CBFA2T2: variants seen among roughly 807,000 people sequenced by gnomAD.
CBFA2T2 encodes the protein CBFA2/RUNX1 partner transcriptional co-repressor 2.
In CBFA2T2, 11 loss-of-function variants were observed where a neutral mutation model predicts 62.2. The ratio of observed to expected loss-of-function variants is 0.18; its 90% CI spans 0.11 to 0.29. The LOEUF is 0.29. Ranked by LOEUF, CBFA2T2 falls within the 10% of genes least tolerant of loss-of-function variation. The probability of loss-of-function intolerance (pLI) is 1.00; values close to 1 mark genes in which losing one functional copy is unlikely to be tolerated. For synonymous variants in CBFA2T2, 295 were observed against 287.5 expected, an observed-to-expected ratio of 1.03 and a Z score of -0.27; for missense variants, 592 against 774.1, an observed-to-expected ratio of 0.76 and a Z score of 2.79.
chr20:33,542,982 T>C (rs1160754122), intron 1 of CBFA2T2, among the ~76,000 whole-genome samples: 1 of 151,368 alleles, frequency 6.6e-6, no homozygotes, highest in Non-Finnish European at 1.5e-5. Flanking sequence ...TACTAATACT[T>C]AATTTGTATT....
intron 1 of CBFA2T2, among the ~76,000 whole-genome samples, chr20:33,504,101 A>G (rs982645620): frequency 1.3e-5 from 2 of 151,944 alleles, no homozygotes; most frequent in African/African-American, 4.8e-5. Flanking sequence ...TTTCTTTTCT[A>G]TAATGTCATA....
chr20:33,640,582 C>A, intron 10 of CBFA2T2, 51 bp downstream of exon 10: 1 of 1,545,842 alleles, frequency 6.5e-7, no homozygotes, highest in Non-Finnish European at 8.9e-7. Context: ...AGTGACCACG[C>A]CCGCTGCCTT....
intron 1 of CBFA2T2, among the ~76,000 whole-genome samples, chr20:33,492,141 C>CT (rs2011151220): frequency 1.3e-5 from 2 of 152,038 alleles, no homozygotes; most frequent in Admixed American, 1.3e-4. Context: ...CTCAGCCTCT[C>CT]AAAGTGCTGG....
intron 1 of CBFA2T2, among the ~76,000 whole-genome samples, chr20:33,539,401 C>T (rs532591022): frequency 3.9e-5 from 6 of 152,324 alleles, no homozygotes; most frequent in African/African-American, 1.4e-4. Flanking sequence ...ATGCTGTTCT[C>T]CAATCTCTTT....
At chr20:33,543,553 C>T (rs987793865) in intron 1 of CBFA2T2, among the ~76,000 whole-genome samples, 1 of 152,086 alleles carries the variant, frequency 6.6e-6, no homozygotes, top group Non-Finnish European at 1.5e-5. Flanking sequence ...TGGAAAGCCT[C>T]CATGGAGAAG....
At chr20:33,574,944 G>A (rs905909660) in intron 1 of CBFA2T2, among the ~76,000 whole-genome samples, 3 of 152,186 alleles carry the variant, frequency 2.0e-5, no homozygotes, top group Admixed American at 6.5e-5. Flanking sequence ...CTGATAAAGC[G>A]TTTTTGTGCT....
At chr20:33,534,336 G>T (rs1382870747) in intron 1 of CBFA2T2, among the ~76,000 whole-genome samples, 1 of 151,988 alleles carries the variant, frequency 6.6e-6, no homozygotes, top group East Asian at 1.9e-4. Flanking sequence ...TTGTTTGTTT[G>T]TTTGAGACAG....
At chr20:33,536,776 C>A (rs534164021) in intron 1 of CBFA2T2, among the ~76,000 whole-genome samples, 1 of 150,938 alleles carries the variant, frequency 6.6e-6, no homozygotes, top group Non-Finnish European at 1.5e-5. Flanking sequence ...GATGGGCGGC[C>A]GGGCAGAGAC....
intron 1 of CBFA2T2, among the ~76,000 whole-genome samples, chr20:33,522,379 T>C (rs189777114): frequency 6.6e-6 from 1 of 152,246 alleles, no homozygotes; most frequent in African/African-American, 2.4e-5. Flanking sequence ...GCCAATTTAA[T>C]GTAGGGAGCA....
intron 1 of CBFA2T2, among the ~76,000 whole-genome samples, chr20:33,593,843 C>T (rs2014771911): frequency 1.3e-5 from 2 of 152,118 alleles, no homozygotes; most frequent in South Asian, 4.1e-4. Context: ...TTGTTTTGAC[C>T]TTTCCCCTTC....
intron 1 of CBFA2T2, among the ~76,000 whole-genome samples, chr20:33,557,564 TG>T (rs1233643180): frequency 6.6e-6 from 1 of 152,134 alleles, no homozygotes; most frequent in African/African-American, 2.4e-5. Flanking sequence ...TGAAGTGCAG[TG>T]GTGGGATCAT....
chr20:33,644,767 A>G lies in CBFA2T2; in HGVS notation c.*121A>G, dbSNP rs45448093. On this transcript the variant is annotated 3_prime_UTR_variant, in exon 11 of 11. Coordinates refer to ENST00000342704, the MANE Select transcript of CBFA2T2 (RefSeq NM_001032999.3). ...CATCAGCAAGAAATGAATTGGAGGC[A>G]GGAAGAGTCCAAGCCTGAATAATAA... 8.5e-3 allele frequency: 9,048 copies of G among 1,063,554 alleles called. 111 individuals carry two copies. The highest frequency in any genetic ancestry group is 0.033 in the South Asian group (2,099 of 64,260). 65.9% of individuals were successfully genotyped at this position (1,063,554 alleles called of 1,614,324 possible).
chr20:33,531,031 C>T (rs752092966), intron 1 of CBFA2T2, among the ~76,000 whole-genome samples: 8 of 152,018 alleles, frequency 5.3e-5, no homozygotes, highest in Non-Finnish European at 8.8e-5. Flanking sequence ...TGCAGTGAGC[C>T]GAGATCACGC....
At position 33,644,637 on chromosome 20, in the gene CBFA2T2, C is replaced by T. The variant is rs755335256; in HGVS notation, c.1779C>T (p.Asn593=). ...CTTCTGTGACAGCTATCGACACCAA[C>T]GGACTCTGAGCCCCGGACTCTGCTT... is the stretch of plus-strand genomic sequence containing the variant. ...TPASVTAIDT[N]GL is the part of the protein sequence containing the mutation. The change falls in exon 11 of 11, where the codon AAC becomes AAT. Residue 593 remains asparagine, a synonymous_variant. Transcript: ENST00000342704. 15 of 1,603,074 alleles carry T rather than the reference C, an allele frequency of 9.4e-6. No homozygotes were observed. The highest frequency in any genetic ancestry group is 2.7e-5 in the African/African-American group (2 of 74,770).
intron 1 of CBFA2T2, chr20:33,601,877 T>TC (rs2015151946): frequency 6.6e-6 from 1 of 151,140 alleles, no homozygotes; most frequent in Non-Finnish European, 1.5e-5. Context: ...TGATCACAGC[T>TC]CACTGCAGCC....
At chr20:33,533,339 A>C (rs1249651804) in intron 1 of CBFA2T2, among the ~76,000 whole-genome samples, 1 of 152,124 alleles carries the variant, frequency 6.6e-6, no homozygotes, top group African/African-American at 2.4e-5. Context: ...TTCAGTCACT[A>C]TAGATTAGTG....
intron 1 of CBFA2T2, among the ~76,000 whole-genome samples, chr20:33,492,567 T>G (rs975918601): frequency 6.6e-6 from 1 of 152,064 alleles, no homozygotes; most frequent in Non-Finnish European, 1.5e-5. Context: ...CAGACTGGAG[T>G]GCAGTGGCGT....
chr20:33,495,827 T>C (rs1177878898), intron 1 of CBFA2T2, among the ~76,000 whole-genome samples: 1 of 152,240 alleles, frequency 6.6e-6, no homozygotes, highest in Admixed American at 6.6e-5. Flanking sequence ...CTTAACCTTC[T>C]TGTGCAGTTC....
At chr20:33,634,203 G>A (rs542634006) in intron 8 of CBFA2T2, among the ~76,000 whole-genome samples, 3 of 152,060 alleles carry the variant, frequency 2.0e-5, no homozygotes, top group South Asian at 2.1e-4. Flanking sequence ...TCCTGACCTC[G>A]TGATCCACCC....
Sources: gnomAD v4.1 joint callset for allele counts (sites outside exome capture counted in the v4.1 genomes callset) on GRCh38, gnomAD v4.1.1 for gene constraint, MANE v1.5 for transcripts, NCBI Gene and HGNC (gene_info 2026-07-23, HGNC 2026-07-21) for gene names.